The following SNTG1 variants were observed in gnomAD, a reference collection of about 807,000 sequenced individuals.
The protein encoded by SNTG1 is syntrophin gamma 1, also known as gamma-1-syntrophin.
SNTG1 carries 39 observed loss-of-function variants against 74.7 expected under a neutral mutation model. The ratio of observed to expected loss-of-function variants is 0.52; its 90% CI spans 0.40 to 0.68. The LOEUF (loss-of-function observed/expected upper bound fraction) is 0.68, where lower values mean the gene tolerates loss of function less well. Among genes scored for constraint, SNTG1 ranks in the 30% least tolerant of loss-of-function variants. SNTG1 has a pLI of 0.00. For synonymous variants in SNTG1, 254 were observed against 217.1 expected (o/e 1.17, Z -1.49); for missense variants, 685 against 609.5 (o/e 1.12, Z -1.30).
At chr8:50,601,449 T>C (rs1465581693) in intron 13 of SNTG1, among the ~76,000 whole-genome samples, 1 of 152,148 alleles carries the variant, frequency 6.6e-6, no homozygotes, top group Non-Finnish European at 1.5e-5. Flanking sequence ...CCTCTTGTTA[T>C]TTATTTCTAA....
intron 2 of SNTG1, among the ~76,000 whole-genome samples, chr8:50,315,968 C>G (rs2090303282): frequency 1.3e-5 from 2 of 152,186 alleles, no homozygotes; most frequent in Admixed American, 1.3e-4. Flanking sequence ...AGAAAAATCT[C>G]TCAAATGTTT....
At chr8:50,608,490 T>C (rs2094828793) in intron 13 of SNTG1, among the ~76,000 whole-genome samples, 2 of 151,844 alleles carry the variant, frequency 1.3e-5, no homozygotes, top group Non-Finnish European at 3.0e-5. Flanking sequence ...TTAAAATCTA[T>C]TTTCTATGAT....
intron 2 of SNTG1, among the ~76,000 whole-genome samples, chr8:50,233,559 A>G (rs545404383): frequency 6.6e-6 from 1 of 151,896 alleles, no homozygotes; most frequent in African/African-American, 2.4e-5. Flanking sequence ...ATCCAAAAAC[A>G]TCAATCAAAA....
At chr8:50,480,214 T>G (rs897616977) in intron 8 of SNTG1, among the ~76,000 whole-genome samples, 1 of 147,648 alleles carries the variant, frequency 6.8e-6, no homozygotes, top group Non-Finnish European at 1.5e-5. Context: ...ACCTGAATTT[T>G]AATTCGCTCT....
chr8:49,980,521 C>CAAAAAAAAAA lies in SNTG1; in HGVS notation c.-103+68311_-103+68320dup, dbSNP rs565561398. Among the ~76,000 whole-genome samples, 68 of 53,826 alleles carry CAAAAAAAAAA rather than the reference C, an allele frequency of 1.3e-3. 2 individuals carry two copies. The highest frequency in any genetic ancestry group is 4.6e-3 in the African/African-American group (63 of 13,592). 35.3% of individuals were successfully genotyped at this position (53,826 alleles called of 152,430 possible). On this transcript the variant is annotated intron_variant, in intron 1 of 18. Coordinates refer to ENST00000642720, the MANE Select transcript of SNTG1 (RefSeq NM_018967.5). ...ACATCCCTTCCTGTAGACTCCTTCG[C>CAAAAAAAAAA]AAAAAAAAAAAAAAAAAAAAAAAAA... is the stretch of plus-strand genomic sequence containing the variant.
chr8:50,520,371 A>C (rs1488250941), intron 9 of SNTG1, among the ~76,000 whole-genome samples: 1 of 152,224 alleles, frequency 6.6e-6, no homozygotes, highest in African/African-American at 2.4e-5. Flanking sequence ...CATTCAGGGC[A>C]TAGGCATGGG....
intron 1 of SNTG1, among the ~76,000 whole-genome samples, chr8:50,074,957 C>T (rs554028902): frequency 3.3e-5 from 5 of 152,328 alleles, no homozygotes; most frequent in East Asian, 1.9e-4. Flanking sequence ...ACACTTGGAG[C>T]GGCCTGCCGG....
intron 4 of SNTG1, among the ~76,000 whole-genome samples, chr8:50,437,834 C>T (rs80184153): frequency 2.0e-5 from 3 of 152,238 alleles, no homozygotes; most frequent in East Asian, 1.9e-4. Flanking sequence ...TTGAAAATTA[C>T]AGGATTTGTC....
At chr8:50,552,673 A>G (rs1244155728) in intron 11 of SNTG1, among the ~76,000 whole-genome samples, 2 of 152,126 alleles carry the variant, frequency 1.3e-5, no homozygotes, top group Non-Finnish European at 2.9e-5. Context: ...ATGCATTGAC[A>G]AATGTTAAGA....
chr8:50,186,383 T>C (rs540354479), intron 2 of SNTG1, among the ~76,000 whole-genome samples: 55 of 152,236 alleles, frequency 3.6e-4, no homozygotes, highest in African/African-American at 1.2e-3. Flanking sequence ...GGATTTCCTA[T>C]GGTCAAAGGG....
At chr8:50,278,045 T>G (rs993542138) in intron 2 of SNTG1, among the ~76,000 whole-genome samples, 1 of 152,088 alleles carries the variant, frequency 6.6e-6, no homozygotes, top group Non-Finnish European at 1.5e-5. Flanking sequence ...TGGTGGCGTA[T>G]GCCTGTAATC....
At chr8:50,395,506 GTT>G (rs1554514155) in intron 3 of SNTG1, among the ~76,000 whole-genome samples, 1 of 135,656 alleles carries the variant, frequency 7.4e-6, no homozygotes, top group Non-Finnish European at 1.5e-5. Flanking sequence ...TCTAATTTCT[GTT>G]TTTTTTTTTT....
chr8:49,956,452 G>GGTAA (rs1810179445), intron 1 of SNTG1, among the ~76,000 whole-genome samples: 1 of 152,182 alleles, frequency 6.6e-6, no homozygotes, highest in African/African-American at 2.4e-5. Context: ...TAATGTGGGT[G>GGTAA]GTAAGTAAGT....
At chr8:50,135,029 TATGTCAA>T (rs1160880475) in intron 1 of SNTG1, among the ~76,000 whole-genome samples, 1 of 152,162 alleles carries the variant, frequency 6.6e-6, no homozygotes, top group Non-Finnish European at 1.5e-5. Context: ...CAGGTTCAAT[TATGTCAA>T]CCCGGTAGTT....
chr8:49,978,415 A>G (rs1280757040), intron 1 of SNTG1, among the ~76,000 whole-genome samples: 1 of 152,222 alleles, frequency 6.6e-6, no homozygotes, highest in Non-Finnish European at 1.5e-5. Context: ...AAGGCAGAGC[A>G]CATTGGATAG....
chr8:50,586,959 C>A (rs1358675660), intron 12 of SNTG1, among the ~76,000 whole-genome samples: 1 of 151,456 alleles, frequency 6.6e-6, no homozygotes, highest in Non-Finnish European at 1.5e-5. Context: ...ATGTAATAAC[C>A]CCTAAATAAA....
intron 2 of SNTG1, among the ~76,000 whole-genome samples, chr8:50,181,314 C>A (rs1055478233): frequency 6.6e-6 from 1 of 152,166 alleles, no homozygotes; most frequent in Non-Finnish European, 1.5e-5. Flanking sequence ...TGGACTTGAT[C>A]TTTGTTTTTA....
chr8:50,066,922 T>C (rs1200789560), intron 1 of SNTG1, among the ~76,000 whole-genome samples: 2 of 152,218 alleles, frequency 1.3e-5, no homozygotes, highest in African/African-American at 4.8e-5. Context: ...TGTAGTCTTA[T>C]GTGGAAAACT....
chr8:49,988,237 A>T (rs953388166), intron 1 of SNTG1, among the ~76,000 whole-genome samples: 1 of 152,182 alleles, frequency 6.6e-6, no homozygotes, highest in Non-Finnish European at 1.5e-5. Flanking sequence ...ATTATCTAAA[A>T]TGTTCAATTT....
Sources: gnomAD v4.1 joint callset for allele counts (sites outside exome capture counted in the v4.1 genomes callset) on GRCh38, gnomAD v4.1.1 for gene constraint, MANE v1.5 for transcripts, NCBI Gene and HGNC (gene_info 2026-07-23, HGNC 2026-07-21) for gene names.